Variants in INTS10 observed in about 807,000 individuals in gnomAD.
The protein encoded by INTS10 is integrator complex subunit 10.
Under a neutral mutation model 94.4 loss-of-function variants are expected in INTS10, and 44 were observed. The observed-to-expected ratio is 0.47, with a 90% CI of 0.37 to 0.60. INTS10 has a LOEUF of 0.60. Among genes scored for constraint, INTS10 ranks in the 20% least tolerant of loss-of-function variants. The pLI is 0.00. For missense variants in INTS10, 797 were observed against 868.7 expected (o/e 0.92, Z 1.04); for synonymous variants, 341 against 320.7 (o/e 1.06, Z -0.68).
At position 19,851,890 on chromosome 8, in the gene INTS10, G is replaced by A. The variant is rs1473472056; in HGVS notation, c.*85G>A. 33 of 1,216,310 alleles carry A rather than the reference G, an allele frequency of 2.7e-5. No homozygotes were observed. The highest frequency in any genetic ancestry group is 5.9e-6 in the Non-Finnish European group (5 of 847,790). The allele number at this position is 1,216,310 out of a possible 1,614,324, so 75.3% of individuals were successfully genotyped here. On this transcript the variant is annotated 3_prime_UTR_variant, in exon 17 of 17. Transcript: ENST00000397977. This position sits in a 1 kb window ranked among gnomAD's most constrained non-coding sequence, Gnocchi z 5.0. ...GCAGTGATTGCCATGGCACAGAGCC[G>A]TGGTCATTGTTGCTGTTACAAAGAA...
chr8:19,837,371 T>G, intron 13 of INTS10: 1 of 522,560 alleles, frequency 1.9e-6, no homozygotes, highest in Non-Finnish European at 3.4e-6. Context: ...GACCCAAGGC[T>G]GAACAATGTT....
chr8:19,829,853 A>G (rs1344075106), intron 9 of INTS10, among the ~76,000 whole-genome samples: 1 of 152,098 alleles, frequency 6.6e-6, no homozygotes, highest in Non-Finnish European at 1.5e-5. Context: ...TTTTTAATAG[A>G]GACTGGGTTT....
At chr8:19,835,158 G>C (rs1049897926) in intron 12 of INTS10, among the ~76,000 whole-genome samples, 1 of 152,138 alleles carries the variant, frequency 6.6e-6, no homozygotes, top group African/African-American at 2.4e-5. Context: ...CTTCCAGTGT[G>C]ATACTAATCT....
In INTS10 at chr8:19,846,650, G is replaced by A. The variant is rs1227658033; in HGVS notation, c.1976+853G>A. On this transcript the variant is annotated intron_variant, in intron 16 of 16. Transcript: ENST00000397977. The surrounding 1 kb of genome is among the most constrained non-coding windows in gnomAD (Gnocchi z 4.2). ...CAAGAAATGATGGTGGGAGTGGTTGGTCTCCACCATGCTCCCCTGAACTCA... is the reference window on the plus strand; with the variant it reads ...CAAGAAATGATGGTGGGAGTGGTTGATCTCCACCATGCTCCCCTGAACTCA... 1.3e-5 allele frequency among the ~76,000 whole-genome samples: 2 copies of A among 152,160 alleles called. No individual in the cohort carries two copies. Among genetic ancestry groups the A allele is most frequent in the African/African-American group, 4.8e-5 (2 of 41,434 alleles).
Position 19,849,285 on chromosome 8 carries a change from C to T in INTS10, c.1977-2364C>T. ...CCGCTCATAGTGTGCTGTTTGTCAA[C>T]ATGTTCGCTGCCCATGGTTCTCAGC... On this transcript the variant is annotated intron_variant, in intron 16 of 16. Transcript: ENST00000397977. This position sits in a 1 kb window ranked among gnomAD's most constrained non-coding sequence, Gnocchi z 4.6. 7.1e-6 allele frequency: 7 copies of T among 984,344 alleles called. No homozygotes were observed. The highest frequency in any genetic ancestry group is 8.4e-6 in the Non-Finnish European group (6 of 713,880). 61.0% of individuals were successfully genotyped at this position (984,344 alleles called of 1,614,324 possible). A position where few individuals can be genotyped will look rare whatever the true frequency, so the allele number is the denominator to read the frequency against.
intron 12 of INTS10, among the ~76,000 whole-genome samples, chr8:19,834,823 C>T (rs986825492): frequency 2.0e-5 from 3 of 152,076 alleles, no homozygotes; most frequent in African/African-American, 7.2e-5. Context: ...GGAATTCATT[C>T]CTCACAGTTC....
rs757826871 is a variant in INTS10 at position 19,842,951 on chromosome 8, GA to G, written c.1719+32del. 77 of 1,405,232 alleles carry G rather than the reference GA, an allele frequency of 5.5e-5. 1 individual carries two copies. The highest frequency in any genetic ancestry group is 2.4e-4 in the Admixed American group (14 of 58,570). 87.0% of individuals were successfully genotyped at this position (1,405,232 alleles called of 1,614,324 possible). ...AGGTAAGCTTAAAGTTGATTAGCTT[GA>G]AAAAAAATGTAATTTCAAATATTAT... On this transcript the variant is annotated intron_variant, in intron 14 of 16. Transcript: ENST00000397977.
At chr8:19,830,751 C>T (rs1726070371) in intron 10 of INTS10, among the ~76,000 whole-genome samples, 192 bp downstream of exon 10, 1 of 152,174 alleles carries the variant, frequency 6.6e-6, no homozygotes, top group South Asian at 2.1e-4. Context: ...TGGCTCACTG[C>T]AACGCTCACC....
intron 12 of INTS10, among the ~76,000 whole-genome samples, chr8:19,836,520 C>T (rs753725298): frequency 4.6e-5 from 7 of 152,246 alleles, no homozygotes; most frequent in Non-Finnish European, 7.3e-5. Flanking sequence ...TCTTTCTCTC[C>T]TGCCTGAAAG....
chr8:19,837,894 G>C (rs564498806), intron 13 of INTS10, among the ~76,000 whole-genome samples: 94 of 151,666 alleles, frequency 6.2e-4, no homozygotes, highest in African/African-American at 2.2e-3. Context: ...TAAATTACCA[G>C]TATCAGAAAT....
Position 19,826,472 on chromosome 8 carries a change from A to T in INTS10, c.1053A>T (p.Val351=). The change falls in exon 9 of 17, where the codon GTA becomes GTT. Residue 351 remains valine (V), a synonymous_variant. Transcript: ENST00000397977. ...SQVPLVLLED[V]SNVYGDVEID... is the part of the protein sequence containing the mutation. Reference sequence around the variant, plus strand: ...TTCCACTGGTTCTTCTTGAAGATGTATCGAATGTGTATGGTGATGTAGAAA... The same window carrying T: ...TTCCACTGGTTCTTCTTGAAGATGTTTCGAATGTGTATGGTGATGTAGAAA... The T allele has an allele frequency of 1.2e-6, 2 of 1,613,002 alleles. No homozygotes were observed.
chr8:19,839,307 C>T (rs1041781997), intron 13 of INTS10, among the ~76,000 whole-genome samples: 27 of 152,182 alleles, frequency 1.8e-4, no homozygotes, highest in Non-Finnish European at 3.7e-4. Context: ...TCTGCCCTCA[C>T]CACTTCTGTT....
At chr8:19,847,877 G>T (rs998622052) in intron 16 of INTS10, among the ~76,000 whole-genome samples, 1 of 152,124 alleles carries the variant, frequency 6.6e-6, no homozygotes, top group Non-Finnish European at 1.5e-5. Flanking sequence ...TAACTAGTGA[G>T]GGAGAACTCC....
chr8:19,841,867 T>G, intron 13 of INTS10: 1 of 455,180 alleles, frequency 2.2e-6, no homozygotes, highest in Non-Finnish European at 4.4e-6. Flanking sequence ...TTTAATGAGA[T>G]AGAATTCAAT....
At chr8:19,826,903 T>A (rs10112790) in intron 9 of INTS10, among the ~76,000 whole-genome samples, 111,876 of 151,974 alleles carry the variant, frequency 0.74, 41,351 homozygotes, top group Non-Finnish European at 0.79. Context: ...TGGCATCGAT[T>A]CAGTTTAAAC....
At chr8:19,825,524 CAA>C (rs56304709) in intron 8 of INTS10, among the ~76,000 whole-genome samples, 1 of 140,138 alleles carries the variant, frequency 7.1e-6, no homozygotes, top group Non-Finnish European at 1.5e-5. Flanking sequence ...GACTCCATCT[CAA>C]AAAAAAAAAA....
chr8:19,830,030 C>G (rs916652382), intron 9 of INTS10, among the ~76,000 whole-genome samples: 2 of 152,076 alleles, frequency 1.3e-5, no homozygotes, highest in African/African-American at 4.8e-5. Flanking sequence ...TAAATCATGT[C>G]ACGTATTAGA....
chr8:19,851,055 A>G lies in INTS10; in HGVS notation c.1977-594A>G, dbSNP rs1373853400. Among the ~76,000 whole-genome samples, 1 of 152,116 alleles carries G rather than the reference A, an allele frequency of 6.6e-6. No individual in the cohort carries two copies. Among genetic ancestry groups the G allele is most frequent in the African/African-American group, 2.4e-5 (1 of 41,404 alleles). ...CCCACCTCCCGCTGCGTTTTCTTCAACATATGAGAGTCTAGATGGGCACAG... is the reference window on the plus strand; with the variant it reads ...CCCACCTCCCGCTGCGTTTTCTTCAGCATATGAGAGTCTAGATGGGCACAG... On this transcript the variant is annotated intron_variant, in intron 16 of 16. Coordinates refer to ENST00000397977, the MANE Select transcript of INTS10 (RefSeq NM_018142.4). This position sits in a 1 kb window ranked among gnomAD's most constrained non-coding sequence, Gnocchi z 5.0.
chr8:19,851,729 G>A lies in INTS10; in HGVS notation c.2057G>A (p.Cys686Tyr), dbSNP rs201755866. The A allele has an allele frequency of 1.9e-6, 3 of 1,613,732 alleles. No individual in the cohort carries two copies. The highest frequency in any genetic ancestry group is 3.3e-5 in the Admixed American group (2 of 60,010). ...GCCATGGAGCGCCAGGTCTCCCGCT[G>A]TGGAGAGAATCTGATGGTGGTTCTG... is the stretch of plus-strand genomic sequence containing the variant. ...RLAMERQVSR[C>Y]GENLMVVLHR... Residue 686 changes from cysteine (C) to tyrosine (Y), a missense_variant, in exon 17 of 17, where the codon TGT (cysteine) becomes TAT (tyrosine). Physicochemically the swap from Cys to Tyr is radical, Grantham distance 194. Around this residue, in one of 3 missense-constraint regions of INTS10, gnomAD observed 47 missense variants for 41.8 expected, o/e 1.12. Transcript: ENST00000397977. The surrounding 1 kb of genome is among the most constrained non-coding windows in gnomAD (Gnocchi z 5.0).
Sources: allele counts gnomAD v4.1 joint callset (sites outside exome capture counted in the v4.1 genomes callset), GRCh38; gene constraint gnomAD v4.1.1; regional missense constraint gnomAD v4.1.1; non-coding constraint Gnocchi (gnomAD v3.1); transcripts MANE v1.5; gene names NCBI Gene and HGNC (gene_info 2026-07-23, HGNC 2026-07-21).